GALNT13: variants seen among roughly 807,000 people sequenced by gnomAD.
GALNT13 encodes the protein polypeptide N-acetylgalactosaminyltransferase 13.
In GALNT13, 28 loss-of-function variants were observed where a neutral mutation model predicts 64.2. The ratio of observed to expected loss-of-function variants is 0.44; its 90% CI spans 0.32 to 0.60. The LOEUF (loss-of-function observed/expected upper bound fraction) is 0.60, where lower values mean the gene tolerates loss of function less well. GALNT13 is among the 20% of genes least tolerant of loss of function. The pLI is 0.05. For synonymous variants in GALNT13, 214 were observed against 224.6 expected, an observed-to-expected ratio of 0.95 and a Z score of 0.42; for missense variants, 577 against 669.8, an observed-to-expected ratio of 0.86 and a Z score of 1.53.
intron 1 of GALNT13, among the ~76,000 whole-genome samples, chr2:153,892,161 T>C: frequency 6.6e-6 from 1 of 152,070 alleles, no homozygotes; most frequent in East Asian, 1.9e-4. Context: ...GAGAAGCTTT[T>C]TCACAATGGA....
chr2:154,028,554 C>T (rs1206221669), intron 3 of GALNT13, among the ~76,000 whole-genome samples: 1 of 152,100 alleles, frequency 6.6e-6, no homozygotes, highest in Non-Finnish European at 1.5e-5. Context: ...TCAGTGAATT[C>T]TAATAAATAA....
intron 10 of GALNT13, among the ~76,000 whole-genome samples, chr2:154,407,085 T>C (rs1699580505): frequency 6.6e-6 from 1 of 152,144 alleles, no homozygotes; most frequent in African/African-American, 2.4e-5. Flanking sequence ...AGGCTGAATA[T>C]GGCTTTGAAT....
chr2:153,848,256 T>C, the GALNT13 span, among the ~76,000 whole-genome samples: 3 of 152,140 alleles, frequency 2.0e-5, no homozygotes, highest in Non-Finnish European at 4.4e-5. Context: ...GCCCTGTGGG[T>C]AATTCTCTGA....
chr2:153,795,500 A>C, the GALNT13 span, among the ~76,000 whole-genome samples: 1 of 152,102 alleles, frequency 6.6e-6, no homozygotes, highest in Admixed American at 6.5e-5. Flanking sequence ...TGATTTATTT[A>C]GAAAATCAAA....
chr2:153,530,669 G>C, the GALNT13 span, among the ~76,000 whole-genome samples: 5 of 150,840 alleles, frequency 3.3e-5, no homozygotes, highest in Non-Finnish European at 7.4e-5. Context: ...CAACAAAACA[G>C]AACAAAAAAA....
At chr2:153,811,664 G>A in the GALNT13 span, among the ~76,000 whole-genome samples, 13,290 of 152,224 alleles carry the variant, frequency 0.087, 764 homozygotes, top group African/African-American at 0.16. Flanking sequence ...GCAAGCCAAA[G>A]CCTACAGTTT....
At chr2:153,901,193 T>C (rs1250313539) in intron 2 of GALNT13, among the ~76,000 whole-genome samples, 186 bp downstream of exon 2, 2 of 152,174 alleles carry the variant, frequency 1.3e-5, no homozygotes, top group Non-Finnish European at 2.9e-5. Context: ...TGTGTGTCTC[T>C]TTTTGTATCA....
chr2:154,311,255 G>T (rs1694019344), intron 9 of GALNT13, among the ~76,000 whole-genome samples: 1 of 151,978 alleles, frequency 6.6e-6, no homozygotes, highest in Non-Finnish European at 1.5e-5. Context: ...ATATATCGGG[G>T]GTCCTGCCCC....
At chr2:154,208,375 T>G (rs1050766805) in intron 4 of GALNT13, among the ~76,000 whole-genome samples, 3 of 152,196 alleles carry the variant, frequency 2.0e-5, no homozygotes, top group Non-Finnish European at 4.4e-5. Flanking sequence ...ATATTTTACA[T>G]AAAAATAAAT....
intron 3 of GALNT13, among the ~76,000 whole-genome samples, chr2:154,072,304 T>C (rs533797986): frequency 3.3e-5 from 5 of 152,214 alleles, no homozygotes; most frequent in African/African-American, 9.6e-5. Context: ...AGTGATAGCA[T>C]GAACATGATA....
At chr2:154,427,879 A>G (rs1393520766) in intron 11 of GALNT13, among the ~76,000 whole-genome samples, 1 of 152,180 alleles carries the variant, frequency 6.6e-6, no homozygotes, top group Non-Finnish European at 1.5e-5. Flanking sequence ...GGTGACTTCA[A>G]TACCATCTAT....
At chr2:153,727,625 A>G in the GALNT13 span, among the ~76,000 whole-genome samples, 3 of 152,094 alleles carry the variant, frequency 2.0e-5, no homozygotes, top group African/African-American at 7.2e-5. Context: ...AACACTGGAT[A>G]TTTTCTCCAT....
At chr2:153,752,197 G>C in the GALNT13 span, among the ~76,000 whole-genome samples, 1 of 152,028 alleles carries the variant, frequency 6.6e-6, no homozygotes, top group Non-Finnish European at 1.5e-5. Flanking sequence ...GTCTTGACAA[G>C]TTGTTATAGT....
chr2:153,588,931 C>T, the GALNT13 span, among the ~76,000 whole-genome samples: 1 of 152,100 alleles, frequency 6.6e-6, no homozygotes, highest in Non-Finnish European at 1.5e-5. Context: ...CTTTGGGAGG[C>T]CAAGGCAGGT....
At chr2:153,760,230 T>C in the GALNT13 span, among the ~76,000 whole-genome samples, 11 of 151,970 alleles carry the variant, frequency 7.2e-5, no homozygotes, top group Admixed American at 5.2e-4. Flanking sequence ...AAAAAACTTA[T>C]TGATTTCATA....
chr2:153,861,907 A>T, the GALNT13 span, among the ~76,000 whole-genome samples: 1 of 152,178 alleles, frequency 6.6e-6, no homozygotes, highest in Non-Finnish European at 1.5e-5. Context: ...CCTAGAGGCC[A>T]TGACACTAGG....
At chr2:153,943,762 TGGGATTACAG>T (rs1261552550) in intron 2 of GALNT13, among the ~76,000 whole-genome samples, 1 of 152,224 alleles carries the variant, frequency 6.6e-6, no homozygotes, top group Non-Finnish European at 1.5e-5. Flanking sequence ...CTCAAAGTGT[TGGGATTACAG>T]GCGTGAGCCG....
the GALNT13 span, among the ~76,000 whole-genome samples, chr2:153,588,998 C>G: frequency 6.6e-6 from 1 of 152,070 alleles, no homozygotes; most frequent in African/African-American, 2.4e-5. Context: ...GAAACCCCAT[C>G]TCTACTAAAA....
At chr2:153,342,258 A>AT in the GALNT13 span, among the ~76,000 whole-genome samples, 1 of 152,212 alleles carries the variant, frequency 6.6e-6, no homozygotes, top group Admixed American at 6.5e-5. Flanking sequence ...TCTATTTAAA[A>AT]TATCTCTTCT....
Sources: allele counts gnomAD v4.1 joint callset (sites outside exome capture counted in the v4.1 genomes callset), GRCh38; gene constraint gnomAD v4.1.1; transcripts MANE v1.5; gene names NCBI Gene and HGNC (gene_info 2026-07-23, HGNC 2026-07-21).